TBC1D9: variants seen among roughly 807,000 people sequenced by gnomAD.
TBC1D9 encodes TBC1 domain family member 9, also known as TBC1 domain family member 9A.
Under a neutral mutation model 132.0 loss-of-function variants are expected in TBC1D9, and 63 were observed. The ratio of observed to expected loss-of-function variants is 0.48; its 90% CI spans 0.39 to 0.59. The LOEUF is 0.59. Ranked by LOEUF, TBC1D9 falls within the 20% of genes least tolerant of loss-of-function variation. The pLI is 0.00. For synonymous variants in TBC1D9, 610 were observed against 609.9 expected (o/e 1.00, Z 0.00); for missense variants, 1,261 against 1,592.7 (o/e 0.79, Z 3.54).
intron 1 of TBC1D9, among the ~76,000 whole-genome samples, chr4:140,704,524 C>A (rs755957668): frequency 6.6e-6 from 1 of 151,732 alleles, no homozygotes; most frequent in Non-Finnish European, 1.5e-5. Flanking sequence ...AAGACTCTTC[C>A]AAGGGCAAGC....
At chr4:140,750,734 A>G (rs1364444401) in intron 1 of TBC1D9, among the ~76,000 whole-genome samples, 1 of 152,148 alleles carries the variant, frequency 6.6e-6, no homozygotes. Flanking sequence ...TACAGACTCA[A>G]TGTAATGTCA....
chr4:140,650,464 T>C (rs1737171188), intron 13 of TBC1D9, among the ~76,000 whole-genome samples: 1 of 152,180 alleles, frequency 6.6e-6, no homozygotes, highest in Non-Finnish European at 1.5e-5. Flanking sequence ...CCCTACCCCA[T>C]TGTTAAGTGC....
At chr4:140,673,925 C>G (rs1378374296) in intron 6 of TBC1D9, among the ~76,000 whole-genome samples, 1 of 152,188 alleles carries the variant, frequency 6.6e-6, no homozygotes, top group Admixed American at 6.5e-5. Flanking sequence ...GCCAGAAGGA[C>G]CAGCAGGACA....
Position 140,669,648 on chromosome 4 carries a change from ACTC to A in TBC1D9, c.1420_1422del (p.Glu474del), listed in dbSNP as rs1164178963. On this transcript the variant is annotated inframe_deletion, in exon 8 of 21. Transcript: ENST00000442267. ...GAGGCACCCACCAATTTCGGGTTGAACTCCTCGGGAGACCGCCGCCGATACATG... is the reference window on the plus strand; with the variant it reads ...GAGGCACCCACCAATTTCGGGTTGAACTCGGGAGACCGCCGCCGATACATG... 16 of 1,604,376 alleles carry A rather than the reference ACTC, an allele frequency of 1.0e-5. No homozygotes were observed. Among genetic ancestry groups the A allele is most frequent in the Non-Finnish European group, 1.4e-5 (16 of 1,172,502 alleles).
chr4:140,722,298 G>C (rs139615372), intron 1 of TBC1D9, among the ~76,000 whole-genome samples: 60 of 152,288 alleles, frequency 3.9e-4, no homozygotes, highest in African/African-American at 1.3e-3. Context: ...ATAAAGAGAA[G>C]CAGCAATGTA....
chr4:140,661,214 G>A (rs12640364), intron 10 of TBC1D9, among the ~76,000 whole-genome samples: 51,480 of 152,102 alleles, frequency 0.34, 10,324 homozygotes, highest in South Asian at 0.46. Context: ...GCACCTGGCC[G>A]ATATAGCCTT....
At chr4:140,749,073 T>A (rs188352180) in intron 1 of TBC1D9, among the ~76,000 whole-genome samples, 1 of 151,846 alleles carries the variant, frequency 6.6e-6, no homozygotes, top group African/African-American at 2.4e-5. Flanking sequence ...ATTTAAAAAA[T>A]AAAAAATAAT....
At chr4:140,649,432 A>G (rs993032897) in intron 13 of TBC1D9, among the ~76,000 whole-genome samples, 2 of 152,260 alleles carry the variant, frequency 1.3e-5, no homozygotes, top group Non-Finnish European at 2.9e-5. Context: ...CACCAGTGAC[A>G]CCTGAGACAT....
intron 1 of TBC1D9, among the ~76,000 whole-genome samples, chr4:140,734,398 G>A (rs767666323): frequency 1.1e-4 from 16 of 152,138 alleles, no homozygotes; most frequent in Non-Finnish European, 1.6e-4. Context: ...CCAAAGTGCT[G>A]GGATTACAGG....
intron 2 of TBC1D9, among the ~76,000 whole-genome samples, chr4:140,692,955 G>A (rs1228564718): frequency 6.6e-6 from 1 of 151,980 alleles, no homozygotes; most frequent in Non-Finnish European, 1.5e-5. Flanking sequence ...GGGAGATCAA[G>A]GCTGCAGTGA....
At chr4:140,643,638 A>C in intron 13 of TBC1D9, 1 of 1,026,598 alleles carries the variant, frequency 9.7e-7, no homozygotes, top group Non-Finnish European at 1.4e-6. Context: ...CGCCACAGGC[A>C]CCTCCACTGG....
At chr4:140,643,841 G>A (rs375305805) in intron 13 of TBC1D9, 34 of 714,744 alleles carry the variant, frequency 4.8e-5, no homozygotes, top group African/African-American at 4.3e-4. Context: ...GGCCACCTCT[G>A]CATCCGCCTG....
intron 1 of TBC1D9, among the ~76,000 whole-genome samples, chr4:140,719,323 T>C (rs1480747970): frequency 6.6e-6 from 1 of 152,114 alleles, no homozygotes; most frequent in Non-Finnish European, 1.5e-5. Flanking sequence ...ACATACTGTG[T>C]ATGGGAGTGC....
Position 140,682,978 on chromosome 4 carries a change from C to T in TBC1D9, c.361-3135G>A, listed in dbSNP as rs562705319. 3.9e-5 allele frequency among the ~76,000 whole-genome samples: 6 copies of T among 152,298 alleles called. No individual in the cohort carries two copies. The South Asian group carries it at 1.2e-3, about 32-fold the overall frequency. On this transcript the variant is annotated intron_variant, in intron 3 of 20. Transcript: ENST00000442267. ...CTTAGCTCACTGCAACCTCCATCTC[C>T]TGGGTTCAAGTGATTCTCCTGCCTC...
chr4:140,702,458 G>C (rs532216348), intron 1 of TBC1D9, among the ~76,000 whole-genome samples: 6 of 152,360 alleles, frequency 3.9e-5, no homozygotes, highest in African/African-American at 1.4e-4. Flanking sequence ...AGCTTAGTGA[G>C]CAAAGGTGGA....
intron 9 of TBC1D9, among the ~76,000 whole-genome samples, chr4:140,665,700 AG>A (rs1316031889): frequency 2.6e-5 from 4 of 152,052 alleles, no homozygotes; most frequent in Admixed American, 6.5e-5. Flanking sequence ...TTTCTGAGAG[AG>A]GGTCTTGCTG....
intron 9 of TBC1D9, among the ~76,000 whole-genome samples, chr4:140,668,324 G>A (rs557488910): frequency 7.1e-4 from 108 of 152,326 alleles, no homozygotes; most frequent in African/African-American, 2.3e-3. Flanking sequence ...ACTGGTCCAT[G>A]GAAGTGTCCC....
chr4:140,624,665 T>A (rs1329293431), intron 18 of TBC1D9, among the ~76,000 whole-genome samples: 1 of 152,228 alleles, frequency 6.6e-6, no homozygotes, highest in Non-Finnish European at 1.5e-5. Flanking sequence ...CAAATTTTAC[T>A]ACATGTCCCA....
At chr4:140,624,075 G>A in intron 20 of TBC1D9, 41 bp downstream of exon 20, 5 of 1,477,670 alleles carry the variant, frequency 3.4e-6, no homozygotes, top group Non-Finnish European at 4.6e-6. Flanking sequence ...AAAAAAGAGT[G>A]TCCAGGTTTG....
Sources: allele counts gnomAD v4.1 joint callset (sites outside exome capture counted in the v4.1 genomes callset), GRCh38; gene constraint gnomAD v4.1.1; transcripts MANE v1.5; gene names NCBI Gene and HGNC (gene_info 2026-07-23, HGNC 2026-07-21).